COL2A1: variants seen among roughly 807,000 people sequenced by gnomAD.
The protein encoded by COL2A1 is collagen alpha-1(II) chain.
Under a neutral mutation model 204.5 loss-of-function variants are expected in COL2A1, and 28 were observed. That is an observed-to-expected ratio of 0.14 (90% CI 0.10 to 0.19). COL2A1 has a LOEUF of 0.19. Among genes scored for constraint, COL2A1 ranks in the 10% least tolerant of loss-of-function variants. The pLI is 1.00. For missense variants in COL2A1, 1,388 were observed against 2,027.5 expected, an observed-to-expected ratio of 0.68 and a Z score of 6.06; for synonymous variants, 708 against 718.7, an observed-to-expected ratio of 0.99 and a Z score of 0.24.
intron 29 of COL2A1, 101 bp from the exon 30 acceptor site, chr12:47,983,837 G>A: frequency 8.1e-7 from 1 of 1,232,212 alleles, no homozygotes; most frequent in East Asian, 2.5e-5. Flanking sequence ...GGCAGCACAG[G>A]CGTCTTCCTG....
At chr12:47,981,869 G>A in intron 35 of COL2A1, 40 bp from the exon 36 acceptor site, 1 of 1,550,624 alleles carries the variant, frequency 6.4e-7, no homozygotes, top group South Asian at 1.2e-5. Flanking sequence ...GGCAGGCTGA[G>A]CCAGCCGAGC....
Position 47,978,455 on chromosome 12 carries a change from C to T in COL2A1, c.2896-57G>A. On this transcript the variant is annotated intron_variant, in intron 42 of 53. Transcript: ENST00000380518. This position sits in a 1 kb window ranked among gnomAD's most constrained non-coding sequence, Gnocchi z 5.5. ...ACAGTGGCCCAGCCTCTTCTGTCCT[C>T]TCAGCACAGCTCTGTCTGTGCAGCC... 1 of 1,586,900 alleles carries T rather than the reference C, an allele frequency of 6.3e-7. No individual in the cohort carries two copies. Among genetic ancestry groups the T allele is most frequent in the Non-Finnish European group, 8.6e-7 (1 of 1,161,998 alleles).
Position 47,980,564 on chromosome 12 carries a change from G to C in COL2A1, c.2615C>G (p.Pro872Arg). 6.2e-7 allele frequency: 1 copy of C among 1,609,364 alleles called. No homozygotes were observed. Among genetic ancestry groups the C allele is most frequent in the Non-Finnish European group, 8.5e-7 (1 of 1,178,076 alleles). ...APGPQGPSGA[P>R]GPQGPTGVTG... The stretch of plus-strand genomic sequence containing the variant: ...TGCAGCGTTACCCACCTGAGGCCCA[G>C]GTGCTCCAGAGGGGCCCTGAGGACC... Residue 872 changes from proline (P) to arginine (R), a missense_variant, in exon 39 of 54, where the codon CCT becomes CGT. Physicochemically the swap from Pro to Arg is moderately radical, Grantham distance 103. Around this residue, in one of 3 missense-constraint regions of COL2A1, gnomAD observed 884 missense variants for 1,415.8 expected, o/e 0.62. Transcript: ENST00000380518. The surrounding 1 kb of genome is among the most constrained non-coding windows in gnomAD (Gnocchi z 4.5).
At chr12:47,997,129 T>C (rs1452059760) in intron 7 of COL2A1, among the ~76,000 whole-genome samples, 1 of 152,252 alleles carries the variant, frequency 6.6e-6, no homozygotes, top group African/African-American at 2.4e-5. Context: ...GGCAATCATA[T>C]AATTTGTTGA....
chr12:47,985,960 A>G lies in COL2A1; in HGVS notation c.1533T>C (p.Ala511=). 1 of 1,551,596 alleles carries G rather than the reference A, an allele frequency of 6.4e-7. No individual in the cohort carries two copies. Among genetic ancestry groups the G allele is most frequent in the Non-Finnish European group, 8.7e-7 (1 of 1,146,978 alleles). The stretch of plus-strand genomic sequence containing the variant: ...GACCTGGGAAACCGCGGTTGCCGGG[A>G]GCACCCTAAGGAGCCACAGGGAGGA... ...GPIGPPGERG[A]PGNRGFPGQD... The change falls in exon 24 of 54, where the codon GCT becomes GCC. Residue 511 remains alanine (A), a synonymous_variant. Transcript: ENST00000380518.
Position 47,980,576 on chromosome 12 carries a change from G to A in COL2A1, c.2603C>T (p.Pro868Leu), listed in dbSNP as rs973567389. 2.5e-6 allele frequency: 4 copies of A among 1,611,430 alleles called. 1 individual carries two copies. In the South Asian group the frequency reaches 4.4e-5, roughly 18 times the overall value. Residue 868 changes from proline (P) to leucine (L), a missense_variant, in exon 39 of 54, where the codon CCC (proline) becomes CTC (leucine). Around this residue, in one of 3 missense-constraint regions of COL2A1, gnomAD observed 884 missense variants for 1,415.8 expected, o/e 0.62. Coordinates refer to ENST00000380518, the MANE Select transcript of COL2A1 (RefSeq NM_001844.5). This position sits in a 1 kb window ranked among gnomAD's most constrained non-coding sequence, Gnocchi z 4.5. ...GDAGAPGPQGPSGAPGPQGPT... is the reference protein window; with the variant it reads ...GDAGAPGPQGLSGAPGPQGPT... ...CACCTGAGGCCCAGGTGCTCCAGAG[G>A]GGCCCTGAGGACCAGGGGCACCAGC... is the stretch of plus-strand genomic sequence containing the variant.
intron 16 of COL2A1, among the ~76,000 whole-genome samples, chr12:47,990,194 G>A (rs1162126209): frequency 3.9e-5 from 6 of 152,122 alleles, no homozygotes; most frequent in African/African-American, 9.7e-5. Flanking sequence ...ATTTTTAGTA[G>A]AGACTGGGTT....
rs1342208651 is a variant in COL2A1, at chr12:47,989,240, A to G, written c.1110T>C (p.Ala370=). 6.2e-7 allele frequency: 1 copy of G among 1,612,748 alleles called. No homozygotes were observed. The highest frequency in any genetic ancestry group is 1.1e-5 in the South Asian group (1 of 90,400). The change falls in exon 18 of 54, where the codon GCT becomes GCC. Residue 370 remains alanine (A), a synonymous_variant. Transcript: ENST00000380518. The part of the protein sequence containing the change: ...GPAGGPGFPG[A]PGAKGEAGPT... ...ACAGGGCACGTACCTTGGCTCCAGG[A>G]GCACCAGGGAAGCCAGGACCACCAG...
At chr12:48,000,597 C>T (rs1484186467) in intron 1 of COL2A1, among the ~76,000 whole-genome samples, 1 of 152,164 alleles carries the variant, frequency 6.6e-6, no homozygotes, top group Non-Finnish European at 1.5e-5. Context: ...TTTCTTCTGC[C>T]TTCCTCTGGG....
intron 10 of COL2A1, 137 bp from the exon 11 acceptor site, chr12:47,995,445 C>T (rs1262460346): frequency 1.4e-5 from 12 of 872,458 alleles, no homozygotes; most frequent in East Asian, 1.2e-4. Flanking sequence ...AGCAAAGGTG[C>T]AGAGATCATA....
rs920348528 is a variant in COL2A1, at chr12:47,998,331, G to A, written c.309+84C>T. On this transcript the variant is annotated intron_variant, in intron 3 of 53. Coordinates refer to ENST00000380518, the MANE Select transcript of COL2A1 (RefSeq NM_001844.5). ...ATCTTCTGATGTCTAAAAAATCACA[G>A]ACTGGATTAACATAGCATTGCTTTT... 1.1e-4 allele frequency: 172 copies of A among 1,517,720 alleles called. 4 individuals are homozygous for A. The South Asian group carries it at 1.7e-3, about 15-fold the overall frequency. The allele number at this position is 1,517,720 out of a possible 1,614,324, so 94.0% of individuals were successfully genotyped here.
At chr12:47,981,558 G>A (rs1939086607) in intron 36 of COL2A1, among the ~76,000 whole-genome samples, 162 bp from the exon 37 acceptor site, 1 of 152,232 alleles carries the variant, frequency 6.6e-6, no homozygotes, top group African/African-American at 2.4e-5. Context: ...CCTCTCGAGG[G>A]CCTCTGCTGA....
chr12:47,974,594 G>A (rs760639007), intron 52 of COL2A1, 81 bp downstream of exon 52: 25 of 1,503,904 alleles, frequency 1.7e-5, no homozygotes, highest in Admixed American at 1.2e-4. Flanking sequence ...TGGGGAAGGT[G>A]CTAAAAGCTT....
Position 48,000,565 on chromosome 12 carries a change from GC to G in COL2A1, c.86-441del, listed in dbSNP as rs961965033. Among the ~76,000 whole-genome samples the G allele has an allele frequency of 1.8e-4, 28 of 152,304 alleles. No individual in the cohort carries two copies. The South Asian group carries it at 2.7e-3, about 15-fold the overall frequency. ...AAATGGCGAGACCTCCCTTCCACCA[GC>G]CCAGGAGCAGAGAAGTCTTCTTTCT... On this transcript the variant is annotated intron_variant, in intron 1 of 53. Coordinates refer to ENST00000380518, the MANE Select transcript of COL2A1 (RefSeq NM_001844.5).
chr12:47,978,713 C>T lies in COL2A1; in HGVS notation c.2779G>A (p.Gly927Ser). 2 of 1,613,200 alleles carry T rather than the reference C, an allele frequency of 1.2e-6. No homozygotes were observed. Among genetic ancestry groups the T allele is most frequent in the Non-Finnish European group, 1.7e-6 (2 of 1,180,004 alleles). The change falls in exon 42 of 54, where the codon GGT becomes AGT. Residue 927 changes from glycine (G) to serine (S), a missense_variant. This residue lies in a region of COL2A1 where 884 missense variants were observed against 1,415.8 expected (regional missense o/e 0.62). Coordinates refer to ENST00000380518, the MANE Select transcript of COL2A1 (RefSeq NM_001844.5). The surrounding 1 kb of genome is among the most constrained non-coding windows in gnomAD (Gnocchi z 5.5). Reference sequence around the variant, plus strand: ...CTGTCTCCTCGAGCACCTTTGGGACCATCTTTTCCAGAAGGACCAGGGGGA... The same window carrying T: ...CTGTCTCCTCGAGCACCTTTGGGACTATCTTTTCCAGAAGGACCAGGGGGA... The part of the protein sequence containing the change: ...PGPPGPSGKD[G>S]PKGARGDSGP...
Position 47,973,358 on chromosome 12 carries a change from T to C in COL2A1, c.*49A>G. ...AGAGTGACTGAGATTGGAAAGTACTTGGGTCCTTTGGGTTTGCAACGGATT... is the reference window on the plus strand; with the variant it reads ...AGAGTGACTGAGATTGGAAAGTACTCGGGTCCTTTGGGTTTGCAACGGATT... On this transcript the variant is annotated 3_prime_UTR_variant, in exon 54 of 54. Transcript: ENST00000380518. The C allele has an allele frequency of 1.2e-6, 2 of 1,613,200 alleles. No homozygotes were observed. The highest frequency in any genetic ancestry group is 1.7e-6 in the Non-Finnish European group (2 of 1,179,182).
intron 14 of COL2A1, 94 bp from the exon 15 acceptor site, chr12:47,993,596 G>T: frequency 8.2e-7 from 1 of 1,226,850 alleles, no homozygotes; most frequent in Non-Finnish European, 1.2e-6. Context: ...GGTCATCTCA[G>T]CTCGCACTGA....
Position 47,974,127 on chromosome 12 carries a change from T to C in COL2A1, c.4279A>G (p.Ser1427Gly), listed in dbSNP as rs1565665018. The C allele has an allele frequency of 6.2e-7, 1 of 1,614,040 alleles. No homozygotes were observed. The highest frequency in any genetic ancestry group is 1.1e-5 in the South Asian group (1 of 91,070). The change falls in exon 53 of 54, where the codon AGC becomes GGC. Residue 1427 changes from serine (S) to glycine (G), a missense_variant. Physicochemically the swap from Ser to Gly is moderately conservative, Grantham distance 56. Coordinates refer to ENST00000380518, the MANE Select transcript of COL2A1 (RefSeq NM_001844.5). ...TTCAGGGCAGTGTACGTGAACCTGC[T>C]ATTGCCCTCTGCCCGGATCTCCACG... The part of the protein sequence containing the change: ...NDVEIRAEGN[S>G]RFTYTALKDG...
chr12:47,990,290 G>A (rs1335335427), intron 16 of COL2A1, among the ~76,000 whole-genome samples: 2 of 152,208 alleles, frequency 1.3e-5, no homozygotes, highest in African/African-American at 4.8e-5. Flanking sequence ...GATTACAGGC[G>A]TGAGCCACCG....
Sources: allele counts gnomAD v4.1 joint callset (sites outside exome capture counted in the v4.1 genomes callset), GRCh38; gene constraint gnomAD v4.1.1; regional missense constraint gnomAD v4.1.1; non-coding constraint Gnocchi (gnomAD v3.1); transcripts MANE v1.5; gene names NCBI Gene and HGNC (gene_info 2026-07-23, HGNC 2026-07-21).